The following TRAK2 variants were observed in gnomAD, a reference collection of about 807,000 sequenced individuals.
TRAK2 encodes trafficking kinesin-binding protein 2.
In TRAK2, 81 loss-of-function variants were observed where a neutral mutation model predicts 104.6. The ratio of observed to expected loss-of-function variants is 0.77; its 90% CI spans 0.65 to 0.93. The LOEUF (loss-of-function observed/expected upper bound fraction) is 0.93. Ranked by LOEUF, TRAK2 falls within the 40% of genes least tolerant of loss-of-function variation. The pLI is 0.00. For missense variants in TRAK2, 1,002 were observed against 1,089.0 expected (o/e 0.92, Z 1.12); for synonymous variants, 406 against 394.4 (o/e 1.03, Z -0.35).
intron 3 of TRAK2, among the ~76,000 whole-genome samples, chr2:201,403,199 AT>A (rs1292546602): frequency 2.0e-5 from 3 of 152,240 alleles, no homozygotes; most frequent in African/African-American, 7.2e-5. Flanking sequence ...AAATGAAAAA[AT>A]ATTTCCTATA....
chr2:201,397,659 T>C (rs1245097742), intron 6 of TRAK2, 79 bp from the exon 7 acceptor site: 8 of 1,038,518 alleles, frequency 7.7e-6, no homozygotes, highest in Non-Finnish European at 1.0e-5. Context: ...TAATTCTCAT[T>C]TGAAGACTAA....
chr2:201,422,560 A>G (rs1306085822), intron 1 of TRAK2, among the ~76,000 whole-genome samples: 2 of 152,224 alleles, frequency 1.3e-5, no homozygotes, highest in African/African-American at 4.8e-5. Context: ...AAGGAGACTG[A>G]AAATGGTTAC....
chr2:201,394,969 A>G (rs1951487893), intron 8 of TRAK2, 97 bp from the exon 9 acceptor site: 2 of 1,081,556 alleles, frequency 1.8e-6, no homozygotes, highest in African/African-American at 1.6e-5. Flanking sequence ...TCTCTGGGGT[A>G]TCATCTTAAA....
chr2:201,411,292 C>T (rs1951644535), intron 2 of TRAK2: 3 of 740,926 alleles, frequency 4.0e-6, no homozygotes, highest in Admixed American at 3.9e-5. Flanking sequence ...TGTTTTTCTT[C>T]AAGTGTAAGT....
chr2:201,430,933 G>A (rs910896841), intron 1 of TRAK2, among the ~76,000 whole-genome samples: 1 of 152,170 alleles, frequency 6.6e-6, no homozygotes, highest in African/African-American at 2.4e-5. Context: ...GACTGGTGCT[G>A]TTCCTATTTG....
chr2:201,414,724 C>A (rs1951677255), intron 2 of TRAK2, among the ~76,000 whole-genome samples: 2 of 152,036 alleles, frequency 1.3e-5, no homozygotes, highest in Non-Finnish European at 2.9e-5. Flanking sequence ...ATGTGATTAT[C>A]CAAATTTTTC....
intron 3 of TRAK2, among the ~76,000 whole-genome samples, chr2:201,405,854 C>T (rs1397399667): frequency 6.6e-6 from 1 of 152,038 alleles, no homozygotes; most frequent in Non-Finnish European, 1.5e-5. Context: ...TAGTGGCGCC[C>T]GCCTATAATC....
chr2:201,382,331 A>G (rs749795782), intron 15 of TRAK2, among the ~76,000 whole-genome samples: 2 of 152,340 alleles, frequency 1.3e-5, no homozygotes, highest in Non-Finnish European at 1.5e-5. Context: ...TACTCAATAT[A>G]TTAAATATCA....
At chr2:201,410,467 C>T (rs942707359) in intron 2 of TRAK2, 2 of 670,044 alleles carry the variant, frequency 3.0e-6, no homozygotes, top group African/African-American at 1.8e-5. Flanking sequence ...AGAAGTAGTT[C>T]CTCCAAGCCA....
chr2:201,426,729 G>T (rs1385375967), intron 1 of TRAK2, among the ~76,000 whole-genome samples: 1 of 152,196 alleles, frequency 6.6e-6, no homozygotes, highest in African/African-American at 2.4e-5. Flanking sequence ...TGACTTCCAA[G>T]GCAATTCAGG....
chr2:201,430,325 G>A (rs990974643), intron 1 of TRAK2, among the ~76,000 whole-genome samples: 7 of 152,204 alleles, frequency 4.6e-5, no homozygotes, highest in Non-Finnish European at 5.9e-5. Context: ...CTCAAACTCC[G>A]TGCTGGGAGA....
rs899431624 is a variant in TRAK2 at position 201,407,508 on chromosome 2, G to A, written c.181C>T (p.Leu61Phe). The change falls in exon 3 of 16, where the codon CTC becomes TTC. Residue 61 changes from leucine to phenylalanine, a missense_variant. Transcript: ENST00000332624. Reference sequence around the variant, plus strand: ...CAGTCTTGATTTTCATATAGAAAGAGAGTGTCTACTTTTAGCCTATACTGT... The same window carrying A: ...CAGTCTTGATTTTCATATAGAAAGAAAGTGTCTACTTTTAGCCTATACTGT... ...LPQYRLKVDT[L>F]FLYENQDWTQ... The A allele has an allele frequency of 6.2e-7, 1 of 1,614,010 alleles. No individual in the cohort carries two copies. The highest frequency in any genetic ancestry group is 8.5e-7 in the Non-Finnish European group (1 of 1,180,000).
chr2:201,402,163 G>A (rs1951556031), intron 3 of TRAK2, among the ~76,000 whole-genome samples: 1 of 152,054 alleles, frequency 6.6e-6, no homozygotes. Flanking sequence ...TCATATAACT[G>A]TTTATAGTTA....
chr2:201,423,977 CTTTAAT>C (rs976578398), intron 1 of TRAK2, among the ~76,000 whole-genome samples: 4 of 152,160 alleles, frequency 2.6e-5, no homozygotes, highest in African/African-American at 9.7e-5. Context: ...AACTCAGATA[CTTTAAT>C]TTTAATTCCA....
Position 201,378,877 on chromosome 2 carries a change from G to T in TRAK2, c.*1666C>A, listed in dbSNP as rs766486066. The T allele has an allele frequency of 1.4e-4, 22 of 152,304 alleles. No homozygotes were observed. The highest frequency in any genetic ancestry group is 1.2e-3 in the Admixed American group (18 of 15,290). 9.4% of individuals were successfully genotyped at this position (152,304 alleles called of 1,614,324 possible). The stretch of plus-strand genomic sequence containing the variant: ...GCTTTTTGAGCACATAGCTCTAAGT[G>T]GGGGGATGGCGGGGATGCCTCAAAA... On this transcript the variant is annotated 3_prime_UTR_variant, in exon 16 of 16. Coordinates refer to ENST00000332624, the MANE Select transcript of TRAK2 (RefSeq NM_015049.3).
intron 1 of TRAK2, among the ~76,000 whole-genome samples, chr2:201,440,830 T>C (rs1381657256): frequency 2.0e-5 from 3 of 152,206 alleles, no homozygotes; most frequent in African/African-American, 7.2e-5. Flanking sequence ...ATTTGCAACC[T>C]CTGGCATAAA....
At chr2:201,429,553 G>C (rs1237030367) in intron 1 of TRAK2, among the ~76,000 whole-genome samples, 1 of 152,132 alleles carries the variant, frequency 6.6e-6, no homozygotes, top group Non-Finnish European at 1.5e-5. Context: ...TGGAGGCTTT[G>C]TTCATTTCTT....
chr2:201,413,099 T>C (rs1430119760), intron 2 of TRAK2: 18 of 993,812 alleles, frequency 1.8e-5, no homozygotes, highest in Admixed American at 2.0e-5. Flanking sequence ...TTGATATTTG[T>C]CAATCATTTT....
chr2:201,424,614 T>C (rs1951770849), intron 1 of TRAK2, among the ~76,000 whole-genome samples: 2 of 151,762 alleles, frequency 1.3e-5, no homozygotes, highest in South Asian at 4.2e-4. Flanking sequence ...GTTTTTTTTT[T>C]GTTTTTGAGA....
Sources: allele counts gnomAD v4.1 joint callset (sites outside exome capture counted in the v4.1 genomes callset), GRCh38; gene constraint gnomAD v4.1.1; transcripts MANE v1.5; gene names NCBI Gene and HGNC (gene_info 2026-07-23, HGNC 2026-07-21).